LRMDA: variants seen among roughly 807,000 people sequenced by gnomAD.
LRMDA encodes the protein leucine rich melanocyte differentiation associated, also known as leucine-rich melanocyte differentiation-associated protein.
A neutral mutation model predicts 29.8 loss-of-function variants in LRMDA; 18 were observed. The observed-to-expected ratio is 0.60, with a 90% CI of 0.42 to 0.90. The LOEUF (loss-of-function observed/expected upper bound fraction) is 0.90. Among genes scored for constraint, LRMDA ranks in the 40% least tolerant of loss-of-function variants. LRMDA has a pLI of 0.00. For missense variants in LRMDA, 273 were observed against 273.9 expected (o/e 1.00, Z 0.02); for synonymous variants, 125 against 109.4 (o/e 1.14, Z -0.89).
chr10:76,533,429 A>G (rs960284498), intron 6 of LRMDA, among the ~76,000 whole-genome samples: 2 of 152,176 alleles, frequency 1.3e-5, no homozygotes, highest in African/African-American at 4.8e-5. Context: ...TCTTTATCAT[A>G]TAAGACCTGA....
At chr10:76,548,569 A>G (rs1256160634) in intron 6 of LRMDA, among the ~76,000 whole-genome samples, 1 of 152,000 alleles carries the variant, frequency 6.6e-6, no homozygotes, top group Non-Finnish European at 1.5e-5. Context: ...GGAAATATTT[A>G]CCATGGAGTT....
intron 5 of LRMDA, among the ~76,000 whole-genome samples, chr10:76,283,654 A>G: frequency 6.6e-6 from 1 of 152,326 alleles, no homozygotes; most frequent in South Asian, 2.1e-4. Flanking sequence ...AATCCTCATA[A>G]CAACCCCAGA....
At chr10:75,743,625 A>G (rs1022471742) in intron 2 of LRMDA, 2 of 152,146 alleles carry the variant, frequency 1.3e-5, no homozygotes, top group Non-Finnish European at 2.9e-5. Flanking sequence ...TTCACACTTC[A>G]TTTTTCTCCT....
chr10:75,668,554 T>G (rs1483737278), intron 2 of LRMDA, among the ~76,000 whole-genome samples: 1 of 152,228 alleles, frequency 6.6e-6, no homozygotes, highest in Non-Finnish European at 1.5e-5. Flanking sequence ...CAAGGCTTTT[T>G]TGTCGGCTTT....
chr10:75,782,468 TTC>T (rs1241415864), intron 2 of LRMDA, among the ~76,000 whole-genome samples: 1 of 152,174 alleles, frequency 6.6e-6, no homozygotes, highest in Admixed American at 6.5e-5. Context: ...GATGGAATAT[TTC>T]TGTTTTGTTT....
At chr10:75,568,836 C>G (rs939654967) in intron 2 of LRMDA, among the ~76,000 whole-genome samples, 1 of 152,202 alleles carries the variant, frequency 6.6e-6, no homozygotes. Flanking sequence ...TAGTTTGCTT[C>G]CTGGGAGATT....
At chr10:76,002,903 T>G (rs185896484) in intron 2 of LRMDA, among the ~76,000 whole-genome samples, 1 of 152,284 alleles carries the variant, frequency 6.6e-6, no homozygotes, top group East Asian at 1.9e-4. Flanking sequence ...GAATGAAAGA[T>G]CCCCAAGTTG....
At position 75,595,785 on chromosome 10, in the gene LRMDA, AAATT is replaced by A. The variant is rs573172211; in HGVS notation, c.131+157292_131+157295del. Reference sequence around the variant, plus strand: ...AAGCAAGTTGAAAAGACTAGGAAATAAATTCATAAAAGATAGCATAGGAAAGACA... The same window carrying A: ...AAGCAAGTTGAAAAGACTAGGAAATACATAAAAGATAGCATAGGAAAGACA... On this transcript the variant is annotated intron_variant, in intron 2 of 6. Transcript: ENST00000611255. Among the ~76,000 whole-genome samples, 429 of 152,218 alleles carry A rather than the reference AAATT, an allele frequency of 2.8e-3. 6 individuals carry two copies. Among genetic ancestry groups the A allele is most frequent in the African/African-American group, 0.01 (417 of 41,564 alleles).
intron 6 of LRMDA, among the ~76,000 whole-genome samples, chr10:76,392,537 A>G (rs1481517022): frequency 4.6e-5 from 7 of 152,090 alleles, no homozygotes; most frequent in Admixed American, 3.9e-4. Context: ...CTGAAAATCA[A>G]AAATCCAAAA....
intron 2 of LRMDA, among the ~76,000 whole-genome samples, chr10:75,944,476 T>A (rs145411690): frequency 6.6e-6 from 1 of 151,936 alleles, no homozygotes; most frequent in Non-Finnish European, 1.5e-5. Flanking sequence ...TTTTTTGCCA[T>A]TGATCTTCAT....
chr10:76,183,638 A>T, intron 5 of LRMDA, among the ~76,000 whole-genome samples: 1 of 152,272 alleles, frequency 6.6e-6, no homozygotes, highest in Non-Finnish European at 1.5e-5. Flanking sequence ...ATCAAGATCC[A>T]TGTGGGTACA....
At chr10:76,385,397 A>G (rs1295866775) in intron 6 of LRMDA, among the ~76,000 whole-genome samples, 1 of 152,230 alleles carries the variant, frequency 6.6e-6, no homozygotes. Flanking sequence ...AGAATGCCTC[A>G]TCACAGGTCG....
At chr10:76,300,366 C>G (rs1840465334) in intron 5 of LRMDA, among the ~76,000 whole-genome samples, 1 of 152,144 alleles carries the variant, frequency 6.6e-6, no homozygotes, top group African/African-American at 2.4e-5. Context: ...GGAAATTCCT[C>G]AGTGGGAAGG....
At chr10:76,393,688 T>C (rs1841749812) in intron 6 of LRMDA, among the ~76,000 whole-genome samples, 1 of 152,188 alleles carries the variant, frequency 6.6e-6, no homozygotes, top group Non-Finnish European at 1.5e-5. Context: ...TATTTATTTT[T>C]GCTTTTGTTG....
chr10:76,391,293 T>C (rs1258061423), intron 6 of LRMDA, among the ~76,000 whole-genome samples: 2 of 152,192 alleles, frequency 1.3e-5, no homozygotes, highest in Admixed American at 1.3e-4. Flanking sequence ...GAGAGTGGGA[T>C]TCGTGATGAT....
At chr10:75,553,341 A>T (rs1321736097) in intron 2 of LRMDA, among the ~76,000 whole-genome samples, 1 of 152,298 alleles carries the variant, frequency 6.6e-6, no homozygotes, top group East Asian at 1.9e-4. Context: ...GGAGAGATGA[A>T]GGGTTTTCCT....
In LRMDA at chr10:75,672,583, T is replaced by A. The variant is rs868421636; in HGVS notation, c.131+234089T>A. Among the ~76,000 whole-genome samples the A allele has an allele frequency of 2.1e-3, 89 of 41,976 alleles. 24 individuals are homozygous for A. The highest frequency in any genetic ancestry group is 0.016 in the African/African-American group (81 of 5,168). 27.5% of individuals were successfully genotyped at this position (41,976 alleles called of 152,430 possible). A position where few individuals can be genotyped will look rare whatever the true frequency, so the allele number is the denominator to read the frequency against. ...CCCCTCCCCTTCCCTTCCCTTCCCT[T>A]CCCTGCTTTTTTTTTTTTTTTTAGA... On this transcript the variant is annotated intron_variant, in intron 2 of 6. Coordinates refer to ENST00000611255, the MANE Select transcript of LRMDA (RefSeq NM_001305581.2).
chr10:75,433,099 T>A (rs1277729558), intron 1 of LRMDA, among the ~76,000 whole-genome samples: 1 of 151,740 alleles, frequency 6.6e-6, no homozygotes, highest in Non-Finnish European at 1.5e-5. Context: ...TTTTTTTTTC[T>A]GGGAGTTAAT....
chr10:76,017,727 G>A (rs992001145), intron 2 of LRMDA, among the ~76,000 whole-genome samples: 1 of 152,200 alleles, frequency 6.6e-6, no homozygotes, highest in Admixed American at 6.5e-5. Context: ...CACTCAGGCA[G>A]CTGTGTTGGG....
Sources: gnomAD v4.1 joint callset for allele counts (sites outside exome capture counted in the v4.1 genomes callset) on GRCh38, gnomAD v4.1.1 for gene constraint, MANE v1.5 for transcripts, NCBI Gene and HGNC (gene_info 2026-07-23, HGNC 2026-07-21) for gene names.